Variants in LYPD6B observed in about 807,000 individuals in gnomAD.
The protein encoded by LYPD6B is LY6/PLAUR domain containing 6B, also known as ly6/PLAUR domain-containing protein 6B.
In LYPD6B, 17 loss-of-function variants were observed where a neutral mutation model predicts 22.8. That is an observed-to-expected ratio of 0.75 (90% CI 0.51 to 1.12). The LOEUF is 1.12. Ranked by LOEUF, LYPD6B falls within the 50% of genes most tolerant of loss-of-function variation. The pLI is 0.00. For synonymous variants in LYPD6B, 106 were observed against 91.6 expected, an observed-to-expected ratio of 1.16 and a Z score of -0.90; for missense variants, 221 against 258.3, an observed-to-expected ratio of 0.86 and a Z score of 0.99.
chr2:149,048,699 T>G lies in LYPD6B; in HGVS notation c.-67+9898T>G, dbSNP rs1158297820. On this transcript the variant is annotated intron_variant, in intron 1 of 6. Coordinates refer to ENST00000409642, the MANE Select transcript of LYPD6B (RefSeq NM_177964.5). ...ATCTTGTGCTTTACCTGGCTTTTTA[T>G]TTTTTGTAAGCATGGTAATAATGTT... 3.3e-5 allele frequency among the ~76,000 whole-genome samples: 5 copies of G among 152,214 alleles called. No individual in the cohort carries two copies. In the East Asian group the frequency reaches 9.6e-4, roughly 29 times the overall value.
chr2:149,066,571 T>C lies in LYPD6B; in HGVS notation c.-67+27770T>C, dbSNP rs562389727. On this transcript the variant is annotated intron_variant, in intron 1 of 6. Transcript: ENST00000409642. ...TGTGCCACATTTTCTTAATCCAGTC[T>C]ATCATTGTTGGACATTTAGGTTGGT... Among the ~76,000 whole-genome samples, 6 of 152,220 alleles carry C rather than the reference T, an allele frequency of 3.9e-5. No individual in the cohort carries two copies. In the East Asian group the frequency reaches 9.7e-4, roughly 25 times the overall value.
At chr2:149,061,533 G>T (rs545640539) in intron 1 of LYPD6B, among the ~76,000 whole-genome samples, 1 of 152,230 alleles carries the variant, frequency 6.6e-6, no homozygotes, top group Admixed American at 6.5e-5. Flanking sequence ...CTAGACAAAT[G>T]CTGGGAGAAA....
At chr2:149,183,898 T>G (rs12992560) in intron 3 of LYPD6B, among the ~76,000 whole-genome samples, 46,927 of 151,674 alleles carry the variant, frequency 0.31, 9,028 homozygotes, top group East Asian at 0.55. Context: ...TTTTCAGTTT[T>G]AAAACTTTAT....
At chr2:149,168,741 T>C (rs1284651342) in intron 3 of LYPD6B, among the ~76,000 whole-genome samples, 1 of 152,230 alleles carries the variant, frequency 6.6e-6, no homozygotes, top group Non-Finnish European at 1.5e-5. Flanking sequence ...ATGAATGTGT[T>C]TGGACAATAA....
chr2:149,198,350 A>AT (rs1692953427), intron 3 of LYPD6B, among the ~76,000 whole-genome samples: 1 of 151,896 alleles, frequency 6.6e-6, no homozygotes, highest in African/African-American at 2.4e-5. Flanking sequence ...CTGCTTTTAA[A>AT]TTTTTTCTAT....
At chr2:149,198,245 T>C (rs770147959) in intron 3 of LYPD6B, among the ~76,000 whole-genome samples, 42 of 152,130 alleles carry the variant, frequency 2.8e-4, no homozygotes, top group Non-Finnish European at 6.0e-4. Context: ...GGTTTCACCA[T>C]GTTGGTCAGG....
At chr2:149,124,334 T>C (rs1687561237) in intron 1 of LYPD6B, among the ~76,000 whole-genome samples, 1 of 152,204 alleles carries the variant, frequency 6.6e-6, no homozygotes, top group Admixed American at 6.5e-5. Context: ...TTATCTCCTC[T>C]TTGCATATAG....
chr2:149,137,530 A>G (rs924656647), intron 2 of LYPD6B, among the ~76,000 whole-genome samples: 8 of 152,254 alleles, frequency 5.3e-5, no homozygotes, highest in Non-Finnish European at 1.2e-4. Flanking sequence ...TATAAATTCA[A>G]CAAGAGCAGA....
chr2:149,146,586 G>A (rs1199050249), intron 2 of LYPD6B, among the ~76,000 whole-genome samples: 4 of 152,160 alleles, frequency 2.6e-5, no homozygotes, highest in Non-Finnish European at 4.4e-5. Context: ...ATGTAGATAA[G>A]TATTATAATC....
At position 149,080,865 on chromosome 2, in the gene LYPD6B, AAAC is replaced by A. The variant is rs1234799409; in HGVS notation, c.-67+42065_-67+42067del. On this transcript the variant is annotated intron_variant, in intron 1 of 6. Coordinates refer to ENST00000409642, the MANE Select transcript of LYPD6B (RefSeq NM_177964.5). ...TCAAAAAAAAAAAAAAAAAAAAAAA[AAAC>A]CACACAAAAAAATTCAGTATATTAG... Among the ~76,000 whole-genome samples, 29 of 129,284 alleles carry A rather than the reference AAAC, an allele frequency of 2.2e-4. 2 individuals are homozygous for A. Among genetic ancestry groups the A allele is most frequent in the African/African-American group, 7.3e-4 (26 of 35,674 alleles). The allele number at this position is 129,284 out of a possible 152,430, so 84.8% of individuals were successfully genotyped here.
At chr2:149,133,185 A>G (rs915698740) in intron 2 of LYPD6B, among the ~76,000 whole-genome samples, 1 of 152,102 alleles carries the variant, frequency 6.6e-6, no homozygotes, top group Non-Finnish European at 1.5e-5. Context: ...GGGCCTCTGT[A>G]GTCAGTTTAA....
intron 3 of LYPD6B, among the ~76,000 whole-genome samples, chr2:149,180,504 C>G (rs1360551836): frequency 1.3e-5 from 2 of 152,166 alleles, no homozygotes; most frequent in Non-Finnish European, 2.9e-5. Flanking sequence ...GTCTTAGCCC[C>G]CCAGAGGAGA....
rs1181175742 is a variant in LYPD6B, at chr2:149,148,839, T to C, written c.6-11925T>C. ...CGAGTGCTTGGCTGACTGCAAAGAG[T>C]AGGATTATGGGACAGTGGACGAACA... On this transcript the variant is annotated intron_variant, in intron 2 of 6. Coordinates refer to ENST00000409642, the MANE Select transcript of LYPD6B (RefSeq NM_177964.5). 7.3e-5 allele frequency among the ~76,000 whole-genome samples: 11 copies of C among 151,666 alleles called. No individual in the cohort carries two copies. In the East Asian group the frequency reaches 2.1e-3, roughly 29 times the overall value.
At chr2:149,196,892 AT>A (rs1229514663) in intron 3 of LYPD6B, among the ~76,000 whole-genome samples, 4 of 152,204 alleles carry the variant, frequency 2.6e-5, no homozygotes, top group Admixed American at 2.6e-4. Flanking sequence ...TGAATGCTAA[AT>A]TTCCTCAACT....
chr2:149,146,208 C>T (rs1474898029), intron 2 of LYPD6B, among the ~76,000 whole-genome samples: 2 of 152,148 alleles, frequency 1.3e-5, no homozygotes, highest in African/African-American at 2.4e-5. Flanking sequence ...AATGACGTGG[C>T]GTGCTCATGG....
intron 2 of LYPD6B, among the ~76,000 whole-genome samples, chr2:149,132,913 G>A (rs1360925806): frequency 6.6e-6 from 1 of 152,102 alleles, no homozygotes; most frequent in Non-Finnish European, 1.5e-5. Flanking sequence ...TTTCTATGGT[G>A]CATTTCATTG....
chr2:149,089,327 G>A (rs528232852), intron 1 of LYPD6B, among the ~76,000 whole-genome samples: 1 of 152,274 alleles, frequency 6.6e-6, no homozygotes, highest in East Asian at 1.9e-4. Context: ...GGCATGCTGG[G>A]TTAAGGATGG....
At chr2:149,106,890 AC>A (rs1260053565) in intron 1 of LYPD6B, among the ~76,000 whole-genome samples, 1 of 151,586 alleles carries the variant, frequency 6.6e-6, no homozygotes, top group African/African-American at 2.4e-5. Context: ...TGATTTGAGA[AC>A]TTTTTTTTCA....
At chr2:149,195,257 A>G (rs1175213078) in intron 3 of LYPD6B, among the ~76,000 whole-genome samples, 2 of 152,216 alleles carry the variant, frequency 1.3e-5, no homozygotes, top group African/African-American at 2.4e-5. Flanking sequence ...TGTGTCCACA[A>G]GCAAACTCCA....
Sources: allele counts gnomAD v4.1 joint callset (sites outside exome capture counted in the v4.1 genomes callset), GRCh38; gene constraint gnomAD v4.1.1; transcripts MANE v1.5; gene names NCBI Gene and HGNC (gene_info 2026-07-23, HGNC 2026-07-21).